The following CTNNA2 variants were observed in gnomAD, a reference collection of about 807,000 sequenced individuals.
CTNNA2 encodes the protein catenin alpha-2.
A neutral mutation model predicts 101.0 loss-of-function variants in CTNNA2; 42 were observed. The observed-to-expected ratio is 0.42, with a 90% CI of 0.32 to 0.54. The LOEUF (loss-of-function observed/expected upper bound fraction) is 0.54, where lower values mean the gene tolerates loss of function less well. Ranked by LOEUF, CTNNA2 falls within the 20% of genes least tolerant of loss-of-function variation. CTNNA2 has a pLI of 0.14. For missense variants in CTNNA2, 871 were observed against 1,223.1 expected (o/e 0.71, Z 4.29); for synonymous variants, 450 against 456.4 (o/e 0.99, Z 0.18).
At chr2:79,591,793 A>G (rs907109022) in intron 1 of CTNNA2, among the ~76,000 whole-genome samples, 1 of 152,166 alleles carries the variant, frequency 6.6e-6, no homozygotes, top group East Asian at 1.9e-4. Flanking sequence ...TGTCTTACGT[A>G]TGAGGAGAAT....
At chr2:80,487,280 CAAAA>C (rs57561004) in intron 9 of CTNNA2, among the ~76,000 whole-genome samples, 2 of 68,508 alleles carry the variant, frequency 2.9e-5, no homozygotes. Context: ...TACTCTGTCT[CAAAA>C]AAAAAAAAAA....
At chr2:79,252,874 C>G (rs902846834) in intron 2 of CTNNA2, among the ~76,000 whole-genome samples, 10 of 152,152 alleles carry the variant, frequency 6.6e-5, no homozygotes, top group Middle Eastern at 3.4e-3. Flanking sequence ...ATCCACTTCA[C>G]TGTGATGGAA....
chr2:79,191,694 C>T (rs895915056), intron 1 of CTNNA2, among the ~76,000 whole-genome samples: 28 of 151,952 alleles, frequency 1.8e-4, no homozygotes, highest in African/African-American at 4.8e-4. Flanking sequence ...AGGGAGGGAG[C>T]GTGTCACTGA....
chr2:79,302,246 C>G (rs1234969947), intron 2 of CTNNA2, among the ~76,000 whole-genome samples: 4 of 152,118 alleles, frequency 2.6e-5, no homozygotes, highest in Non-Finnish European at 4.4e-5. Flanking sequence ...TTTCCCATTC[C>G]TCTCTTCTCT....
chr2:79,447,604 G>T (rs968408577), intron 4 of CTNNA2, among the ~76,000 whole-genome samples: 5 of 152,024 alleles, frequency 3.3e-5, no homozygotes, highest in Non-Finnish European at 7.4e-5. Flanking sequence ...CTGCCATCCA[G>T]GCTGTTCCCT....
chr2:79,310,134 A>C (rs978674591), intron 2 of CTNNA2, among the ~76,000 whole-genome samples: 1 of 152,180 alleles, frequency 6.6e-6, no homozygotes, highest in Non-Finnish European at 1.5e-5. Flanking sequence ...AAAGGATCAT[A>C]ATATATGCAA....
intron 7 of CTNNA2, among the ~76,000 whole-genome samples, chr2:80,183,854 A>G (rs1039237107): frequency 8.0e-5 from 12 of 149,746 alleles, no homozygotes; most frequent in African/African-American, 2.7e-4. Flanking sequence ...TAACCTCGCG[A>G]TTAAACGTAA....
chr2:79,527,485 A>G (rs1672483605), intron 1 of CTNNA2, among the ~76,000 whole-genome samples: 1 of 150,876 alleles, frequency 6.6e-6, no homozygotes, highest in Admixed American at 6.6e-5. Flanking sequence ...AAAAAAAAAA[A>G]AAAAAAAAAA....
At chr2:79,649,616 T>C (rs1681074308) in intron 1 of CTNNA2, among the ~76,000 whole-genome samples, 1 of 152,184 alleles carries the variant, frequency 6.6e-6, no homozygotes, top group Non-Finnish European at 1.5e-5. Flanking sequence ...ATGACAGAGC[T>C]GCTCTATGGC....
At chr2:80,030,852 A>G (rs1184144675) in intron 7 of CTNNA2, among the ~76,000 whole-genome samples, 2 of 152,208 alleles carry the variant, frequency 1.3e-5, no homozygotes, top group Non-Finnish European at 2.9e-5. Flanking sequence ...GGAAATCCAG[A>G]GAAGAAATAT....
intron 7 of CTNNA2, among the ~76,000 whole-genome samples, chr2:80,055,595 T>C (rs1697166363): frequency 6.6e-6 from 1 of 152,114 alleles, no homozygotes; most frequent in Non-Finnish European, 1.5e-5. Context: ...TCTTAAAAAC[T>C]TGGAGACTCC....
At chr2:80,482,918 G>A (rs1013101515) in intron 9 of CTNNA2, among the ~76,000 whole-genome samples, 2 of 152,020 alleles carry the variant, frequency 1.3e-5, no homozygotes, top group African/African-American at 4.8e-5. Context: ...AGAAATTCAG[G>A]CCCACTTCCT....
At chr2:80,569,688 G>A (rs1694402136) in intron 12 of CTNNA2, among the ~76,000 whole-genome samples, 1 of 104,968 alleles carries the variant, frequency 9.5e-6, no homozygotes, top group Admixed American at 1.3e-4. Context: ...TGTTGCCCAG[G>A]CTGGAGTGCA....
chr2:80,440,613 C>T (rs1682473739), intron 9 of CTNNA2, among the ~76,000 whole-genome samples: 1 of 150,178 alleles, frequency 6.7e-6, no homozygotes, highest in African/African-American at 2.5e-5. Flanking sequence ...AGATCCAGCT[C>T]CTTACTGGAT....
At chr2:79,540,258 G>C (rs1017935371) in intron 1 of CTNNA2, among the ~76,000 whole-genome samples, 5 of 152,156 alleles carry the variant, frequency 3.3e-5, no homozygotes, top group African/African-American at 1.2e-4. Flanking sequence ...ACCTGGCTCT[G>C]CCACTTACTA....
intron 7 of CTNNA2, among the ~76,000 whole-genome samples, chr2:80,295,903 C>T (rs1437736501): frequency 2.0e-5 from 3 of 152,206 alleles, no homozygotes; most frequent in African/African-American, 7.2e-5. Flanking sequence ...CCTCACTCAT[C>T]TGTGTTGCCT....
At chr2:79,896,592 A>G (rs948989742) in intron 6 of CTNNA2, among the ~76,000 whole-genome samples, 1 of 152,194 alleles carries the variant, frequency 6.6e-6, no homozygotes, top group African/African-American at 2.4e-5. Flanking sequence ...AGCTGGGTGG[A>G]GCAGAAGATA....
At chr2:79,627,833 C>T (rs1419751553) in intron 1 of CTNNA2, among the ~76,000 whole-genome samples, 1 of 151,988 alleles carries the variant, frequency 6.6e-6, no homozygotes, top group Non-Finnish European at 1.5e-5. Flanking sequence ...ATTATTTGTT[C>T]AAGGTTTTTG....
intron 18 of CTNNA2, among the ~76,000 whole-genome samples, chr2:80,628,314 C>A (rs1671904766): frequency 6.6e-6 from 1 of 151,860 alleles, no homozygotes; most frequent in African/African-American, 2.4e-5. Flanking sequence ...CCAAGACAAT[C>A]CTAAGCAAAA....
Sources: allele counts gnomAD v4.1 joint callset (sites outside exome capture counted in the v4.1 genomes callset), GRCh38; gene constraint gnomAD v4.1.1; transcripts MANE v1.5; gene names NCBI Gene and HGNC (gene_info 2026-07-23, HGNC 2026-07-21).